NOTCH1: variants seen among roughly 807,000 people sequenced by gnomAD.
The protein encoded by NOTCH1 is notch receptor 1, also known as neurogenic locus notch homolog protein 1.
Under a neutral mutation model 254.8 loss-of-function variants are expected in NOTCH1, and 37 were observed. The observed-to-expected ratio is 0.15, with a 90% CI of 0.11 to 0.19. The LOEUF (loss-of-function observed/expected upper bound fraction) is 0.19. Among genes scored for constraint, NOTCH1 ranks in the 10% least tolerant of loss-of-function variants. The probability of loss-of-function intolerance (pLI) is 1.00; values close to 1 mark genes in which losing one functional copy is unlikely to be tolerated. For synonymous variants in NOTCH1, 1,731 were observed against 1,618.1 expected, an observed-to-expected ratio of 1.07 and a Z score of -1.68; for missense variants, 2,972 against 3,708.6, an observed-to-expected ratio of 0.80 and a Z score of 5.16.
Position 136,513,171 on chromosome 9 carries a change from C to T in NOTCH1, c.2354-37G>A, listed in dbSNP as rs759687284. ...GGGACAGCACTCGGCATGTCCAGCA[C>T]TCCCAGGCACCTTGGCAGGGCCCCA... On this transcript the variant is annotated intron_variant, in intron 14 of 33. Coordinates refer to ENST00000651671, the MANE Select transcript of NOTCH1 (RefSeq NM_017617.5). The surrounding 1 kb of genome is among the most constrained non-coding windows in gnomAD (Gnocchi z 4.7). The T allele has an allele frequency of 3.0e-5, 47 of 1,562,118 alleles. No individual in the cohort carries two copies. The highest frequency in any genetic ancestry group is 4.0e-5 in the Non-Finnish European group (45 of 1,134,042).
chr9:136,504,054 A>G (rs1452217159), intron 26 of NOTCH1, among the ~76,000 whole-genome samples: 1 of 151,964 alleles, frequency 6.6e-6, no homozygotes, highest in Non-Finnish European at 1.5e-5. Context: ...AGGCCCAGCA[A>G]TGCCCCCTCC....
At chr9:136,501,947 C>T (rs1313155075) in intron 29 of NOTCH1, 34 bp from the exon 30 acceptor site, 3 of 1,611,366 alleles carry the variant, frequency 1.9e-6, no homozygotes, top group Non-Finnish European at 2.5e-6. Context: ...CCTGTCAGGG[C>T]AGCCCGGCAG....
chr9:136,518,685 G>T lies in NOTCH1; in HGVS notation c.1005C>A (p.Asn335Lys), dbSNP rs1373881914. 6.2e-7 allele frequency: 1 copy of T among 1,612,782 alleles called. No individual in the cohort carries two copies. The highest frequency in any genetic ancestry group is 8.5e-7 in the Non-Finnish European group (1 of 1,180,002). ...AGGCGGCGCTGGCACAGTCATCAAT[G>T]TTCTCGCTGCAGTCCTCACCAGTCC... The part of the protein sequence containing the change: ...NGWTGEDCSE[N>K]IDDCASAACF... The change falls in exon 6 of 34, where the codon AAC (asparagine) becomes AAA (lysine). Residue 335 changes from asparagine to lysine, a missense_variant. By Grantham distance (94) the Asn-to-Lys change is moderately conservative. Transcript: ENST00000651671.
Position 136,513,575 on chromosome 9 carries a change from G to T in NOTCH1, c.2208-38C>A. On this transcript the variant is annotated intron_variant, in intron 13 of 33. Transcript: ENST00000651671. The surrounding 1 kb of genome is among the most constrained non-coding windows in gnomAD (Gnocchi z 4.7). ...CCACACTGCAGGTCGAGGGAGGCCC[G>T]AGCAGCACGGCCGGGGCCTGGGCAC... The T allele has an allele frequency of 6.2e-7, 1 of 1,611,190 alleles. No individual in the cohort carries two copies. The highest frequency in any genetic ancestry group is 1.1e-5 in the South Asian group (1 of 90,960).
chr9:136,545,810 C>A lies in NOTCH1; in HGVS notation c.-24G>T. The A allele has an allele frequency of 8.0e-7, 1 of 1,244,142 alleles. No homozygotes were observed. 77.1% of individuals were successfully genotyped at this position (1,244,142 alleles called of 1,614,324 possible). On this transcript the variant is annotated 5_prime_UTR_variant, in exon 1 of 34. Coordinates refer to ENST00000651671, the MANE Select transcript of NOTCH1 (RefSeq NM_017617.5). This position sits in a 1 kb window ranked among gnomAD's most constrained non-coding sequence, Gnocchi z 6.8. Reference sequence around the variant, plus strand: ...ATGCCTCCCCACCGGCTGCCCTCTGCGCCCGGGCGGCGGCCTCCTGCGCTG... The same window carrying A: ...ATGCCTCCCCACCGGCTGCCCTCTGAGCCCGGGCGGCGGCCTCCTGCGCTG...
At chr9:136,503,143 T>C (rs765600884) in intron 27 of NOTCH1, 39 bp downstream of exon 27, 1 of 1,612,042 alleles carries the variant, frequency 6.2e-7, no homozygotes, top group South Asian at 1.1e-5. Flanking sequence ...TGGCACCCCC[T>C]GCAGGCAGAG....
chr9:136,542,040 A>G (rs535924805), intron 2 of NOTCH1, among the ~76,000 whole-genome samples: 16 of 152,344 alleles, frequency 1.1e-4, no homozygotes, highest in African/African-American at 3.6e-4. Context: ...CCGGGATCCC[A>G]GGTTTGGGGA....
intron 33 of NOTCH1, 37 bp downstream of exon 33, chr9:136,498,862 C>A: frequency 6.2e-7 from 1 of 1,607,348 alleles, no homozygotes; most frequent in South Asian, 1.1e-5. Flanking sequence ...TGGATTCAGC[C>A]CTCACGTCTC....
rs564686397 is a variant in NOTCH1, at chr9:136,540,359, C to T, written c.140+3665G>A. Among the ~76,000 whole-genome samples the T allele has an allele frequency of 3.9e-3, 593 of 152,280 alleles. 4 individuals carry two copies. The highest frequency in any genetic ancestry group is 0.015 in the South Asian group (71 of 4,822). The stretch of plus-strand genomic sequence containing the variant: ...CCCTGGGAGATGGACTTCCCCGGAG[C>T]TGGAGCCATCCTGGGAGATGGACTT... On this transcript the variant is annotated intron_variant, in intron 2 of 33. Coordinates refer to ENST00000651671, the MANE Select transcript of NOTCH1 (RefSeq NM_017617.5). This position sits in a 1 kb window ranked among gnomAD's most constrained non-coding sequence, Gnocchi z 4.4.
intron 12 of NOTCH1, 38 bp downstream of exon 12, chr9:136,515,252 G>C: frequency 6.3e-7 from 1 of 1,585,734 alleles, no homozygotes; most frequent in Non-Finnish European, 8.6e-7. Context: ...TGACCTCTGA[G>C]CACAGTGCAG....
chr9:136,496,349 G>T lies in NOTCH1; in HGVS notation c.7390C>A (p.Leu2464Met). The change falls in exon 34 of 34, where the codon CTG becomes ATG. Residue 2464 changes from leucine (L) to methionine (M), a missense_variant. By Grantham distance (15) the Leu-to-Met change is conservative (BLOSUM62 2). Transcript: ENST00000651671. The stretch of plus-strand genomic sequence containing the variant: ...AGCGAGGATGGCAGCGACGTGGGCA[G>T]GGCGGGGCTCTCCTGGGGCAGAATA... ...HTILPQESPA[L>M]PTSLPSSLVP... The T allele has an allele frequency of 6.3e-7, 1 of 1,593,676 alleles. No individual in the cohort carries two copies.
chr9:136,514,835 C>G, intron 12 of NOTCH1, 133 bp from the exon 13 acceptor site: 1 of 974,934 alleles, frequency 1.0e-6, no homozygotes, highest in East Asian at 2.6e-5. Context: ...CAGAAACCAT[C>G]TTGGATCACA....
rs61751556 is a variant in NOTCH1 at position 136,519,483 on chromosome 9, G to A, written c.825C>T (p.Gly275=). 71 of 1,612,978 alleles carry A rather than the reference G, an allele frequency of 4.4e-5. No individual in the cohort carries two copies. In the East Asian group the frequency reaches 1.3e-3, roughly 30 times the overall value. Residue 275 remains glycine (G), a synonymous_variant, in exon 5 of 34, where the codon GGC becomes GGT. Transcript: ENST00000651671. ...NCKNGGACVD[G]VNTYNCRCPP... is the part of the protein sequence containing the mutation. The stretch of plus-strand genomic sequence containing the variant: ...GGCAGCGGCAGTTGTAGGTGTTCAC[G>A]CCGTCCACACAGGCACCCCCGTTCT...
intron 4 of NOTCH1, among the ~76,000 whole-genome samples, chr9:136,522,138 T>C (rs1217006314): frequency 6.6e-6 from 1 of 152,004 alleles, no homozygotes; most frequent in Non-Finnish European, 1.5e-5. Flanking sequence ...CCACCATGCC[T>C]GGCTAATTTT....
chr9:136,510,595 C>T (rs1043424698), intron 17 of NOTCH1, 58 bp downstream of exon 17: 19 of 1,566,678 alleles, frequency 1.2e-5, no homozygotes, highest in African/African-American at 2.7e-5. Flanking sequence ...CAACCCTGCC[C>T]GGGGGAACTG....
rs2133340841 is a variant in NOTCH1 at position 136,505,783 on chromosome 9, G to A, written c.4113C>T (p.Thr1371=). 4 of 1,585,948 alleles carry A rather than the reference G, an allele frequency of 2.5e-6. No individual in the cohort carries two copies. The highest frequency in any genetic ancestry group is 3.4e-6 in the Non-Finnish European group (4 of 1,166,262). Residue 1371 remains threonine (T), a synonymous_variant, in exon 25 of 34, where the codon ACC becomes ACT. Transcript: ENST00000651671. ...CCGTGAAGGGGCCCAGGCACAGGCA[G>A]GTGGGGCTGCGCGGGCCGGAGATGC... ...GTCISGPRSP[T]CLCLGPFTGP...
intron 1 of NOTCH1, among the ~76,000 whole-genome samples, chr9:136,544,391 G>A (rs911077505): frequency 6.6e-6 from 1 of 152,190 alleles, no homozygotes; most frequent in Non-Finnish European, 1.5e-5. Context: ...GTGGCCTGAT[G>A]TGCCGCCTGG....
chr9:136,537,891 G>A (rs938911000), intron 2 of NOTCH1, among the ~76,000 whole-genome samples: 1 of 152,164 alleles, frequency 6.6e-6, no homozygotes, highest in African/African-American at 2.4e-5. Context: ...TTAGGAGTTT[G>A]AGACCAGCCT....
At position 136,523,752 on chromosome 9, in the gene NOTCH1, G is replaced by T; in HGVS notation, c.368C>A (p.Thr123Lys). The change falls in exon 3 of 34, where the codon ACG becomes AAG. Residue 123 changes from threonine (T) to lysine (K), a missense_variant. Coordinates refer to ENST00000651671, the MANE Select transcript of NOTCH1 (RefSeq NM_017617.5). The stretch of plus-strand genomic sequence containing the variant: ...GGGCGGGCAGCGGCACTTGTACTCC[G>T]TCAGCGTGAGCAGGTCGCAGGTGCC... Reference protein sequence around the residue: ...NGGTCDLLTLTEYKCRCPPGW... With the variant: ...NGGTCDLLTLKEYKCRCPPGW... 11 of 1,610,804 alleles carry T rather than the reference G, an allele frequency of 6.8e-6. No individual in the cohort carries two copies. Among genetic ancestry groups the T allele is most frequent in the Non-Finnish European group, 8.5e-6 (10 of 1,179,430 alleles).
Sources: gnomAD v4.1 joint callset for allele counts (sites outside exome capture counted in the v4.1 genomes callset) on GRCh38, gnomAD v4.1.1 for gene constraint, Gnocchi (gnomAD v3.1) non-coding constraint, MANE v1.5 for transcripts, NCBI Gene and HGNC (gene_info 2026-07-23, HGNC 2026-07-21) for gene names.